The following CWH43 variants were observed in gnomAD, a reference collection of about 807,000 sequenced individuals.
CWH43 encodes PGAP2-interacting protein.
A neutral mutation model predicts 85.7 loss-of-function variants in CWH43; 91 were observed. The ratio of observed to expected loss-of-function variants is 1.06; its 90% CI spans 0.90 to 1.26. The LOEUF is 1.26. CWH43 is among the 50% of genes most tolerant of loss of function. The pLI, the probability that CWH43 is intolerant of heterozygous loss-of-function variation, is 0.00. For synonymous variants in CWH43, 323 were observed against 293.6 expected (o/e 1.10, Z -1.02); for missense variants, 869 against 839.2 (o/e 1.04, Z -0.44).
chr4:49,057,594 T>G (rs1357636896), intron 15 of CWH43, among the ~76,000 whole-genome samples: 1 of 152,214 alleles, frequency 6.6e-6, no homozygotes, highest in Non-Finnish European at 1.5e-5. Flanking sequence ...ACTCTGCGGC[T>G]GTTGGGTGAA....
intron 15 of CWH43, among the ~76,000 whole-genome samples, chr4:49,059,802 A>G (rs1391313451): frequency 4.6e-5 from 7 of 151,286 alleles, no homozygotes; most frequent in South Asian, 2.1e-4. Context: ...TAGGGACTGG[A>G]CTTGAAGTCT....
chr4:49,023,879 A>G (rs1331796582), intron 9 of CWH43, among the ~76,000 whole-genome samples: 2 of 152,098 alleles, frequency 1.3e-5, no homozygotes, highest in South Asian at 2.1e-4. Flanking sequence ...GTTCTAGGGT[A>G]TTGTTTAAGT....
intron 6 of CWH43, among the ~76,000 whole-genome samples, chr4:49,001,247 T>C (rs541528020): frequency 6.6e-6 from 1 of 152,304 alleles, no homozygotes; most frequent in African/African-American, 2.4e-5. Flanking sequence ...TAGGACCCCA[T>C]TGTACTATAG....
intron 14 of CWH43, among the ~76,000 whole-genome samples, chr4:49,048,872 G>C (rs1245270747): frequency 1.3e-5 from 2 of 152,172 alleles, no homozygotes; most frequent in Admixed American, 6.5e-5. Flanking sequence ...TAGGAACTAG[G>C]GTTTTTCAGT....
intron 15 of CWH43, among the ~76,000 whole-genome samples, chr4:49,055,653 G>T (rs748888749): frequency 6.6e-6 from 1 of 150,486 alleles, no homozygotes; most frequent in African/African-American, 2.5e-5. Flanking sequence ...GCAATGGCAC[G>T]ATCTCAGCTT....
chr4:49,040,444 G>T (rs930330439), intron 13 of CWH43, among the ~76,000 whole-genome samples: 1 of 152,144 alleles, frequency 6.6e-6, no homozygotes, highest in African/African-American at 2.4e-5. Flanking sequence ...CATTCTAACT[G>T]GTGTGAGATG....
At position 49,061,841 on chromosome 4, in the gene CWH43, A is replaced by C; in HGVS notation, c.2051A>C (p.Tyr684Ser). The change falls in exon 16 of 16, where the codon TAT becomes TCT. Residue 684 changes from tyrosine (Y) to serine (S), a missense_variant. Transcript: ENST00000226432. Reference sequence around the variant, plus strand: ...GGATCCTACAAAGAAGGACACAATTATGAAAACAACCATCATTTTCATATG... The same window carrying C: ...GGATCCTACAAAGAAGGACACAATTCTGAAAACAACCATCATTTTCATATG... ...RFGSYKEGHN[Y>S]ENNHHFHMNT... 7.1e-7 allele frequency: 1 copy of C among 1,398,842 alleles called. No homozygotes were observed. Among genetic ancestry groups the C allele is most frequent in the Non-Finnish European group, 9.5e-7 (1 of 1,052,230 alleles). 86.7% of individuals were successfully genotyped at this position (1,398,842 alleles called of 1,614,324 possible).
In CWH43 at chr4:49,030,889, A is replaced by T; in HGVS notation, c.1437A>T (p.Leu479Phe). ...ASKPYMGNND[L>F]TMWLGEKLGF... ...AGCCCTATATGGGGAACAATGACTT[A>T]ACCATGTGGCTAGGGGAAAAGTTGG... is the stretch of plus-strand genomic sequence containing the variant. Residue 479 changes from leucine to phenylalanine, a missense_variant, in exon 11 of 16, where the codon TTA becomes TTT. Physicochemically the swap from Leu to Phe is conservative, Grantham distance 22. Transcript: ENST00000226432. 5 of 1,611,406 alleles carry T rather than the reference A, an allele frequency of 3.1e-6. No individual in the cohort carries two copies. The highest frequency in any genetic ancestry group is 4.2e-6 in the Non-Finnish European group (5 of 1,178,948).
In CWH43 at chr4:48,991,879, G is replaced by T. The variant is rs185495918; in HGVS notation, c.357-57G>T. 263 of 1,402,694 alleles carry T rather than the reference G, an allele frequency of 1.9e-4. No homozygotes were observed. In the Middle Eastern group the frequency reaches 3.2e-3, roughly 17 times the overall value. 86.9% of individuals were successfully genotyped at this position (1,402,694 alleles called of 1,614,324 possible). ...ATTCTATGAAACTGAAATTCATGAT[G>T]GACATAGTACATTGAGTCCACATAA... On this transcript the variant is annotated intron_variant, in intron 3 of 15. Coordinates refer to ENST00000226432, the MANE Select transcript of CWH43 (RefSeq NM_025087.3).
At chr4:49,054,351 G>A (rs1323938701) in intron 15 of CWH43, among the ~76,000 whole-genome samples, 1 of 152,004 alleles carries the variant, frequency 6.6e-6, no homozygotes, top group East Asian at 1.9e-4. Flanking sequence ...TCTCTATTCT[G>A]TTCTATTGAT....
intron 6 of CWH43, among the ~76,000 whole-genome samples, chr4:48,998,840 A>C (rs1034500112): frequency 1.3e-5 from 2 of 152,186 alleles, no homozygotes; most frequent in African/African-American, 4.8e-5. Flanking sequence ...TAAACAAGGC[A>C]CATGTGTTAA....
chr4:49,024,696 G>A (rs1247359992), intron 9 of CWH43, among the ~76,000 whole-genome samples: 4 of 152,084 alleles, frequency 2.6e-5, no homozygotes, highest in African/African-American at 9.7e-5. Flanking sequence ...ATTCTAGCTT[G>A]TAGGGTTTTT....
At chr4:49,023,525 C>T (rs573784285) in intron 9 of CWH43, among the ~76,000 whole-genome samples, 3 of 152,294 alleles carry the variant, frequency 2.0e-5, no homozygotes, top group African/African-American at 7.2e-5. Context: ...CAGGCATGCA[C>T]CACCACATCC....
intron 14 of CWH43, among the ~76,000 whole-genome samples, chr4:49,047,566 C>T (rs753559872): frequency 6.6e-6 from 1 of 151,970 alleles, no homozygotes. Flanking sequence ...GCCATTTGGC[C>T]ACCTGGCAGA....
intron 14 of CWH43, among the ~76,000 whole-genome samples, chr4:49,048,859 A>G (rs1784711068): frequency 6.6e-6 from 1 of 152,158 alleles, no homozygotes; most frequent in African/African-American, 2.4e-5. Flanking sequence ...ACATTAATGA[A>G]GTTAGGAACT....
chr4:49,017,349 A>C (rs776259357), intron 9 of CWH43, 21 bp downstream of exon 9: 1 of 1,521,336 alleles, frequency 6.6e-7, no homozygotes, highest in Non-Finnish European at 9.1e-7. Context: ...AAAAACCTTG[A>C]AATAGAATTT....
Position 49,038,215 on chromosome 4 carries a change from A to T in CWH43, c.1803+35A>T, listed in dbSNP as rs980248276. The T allele has an allele frequency of 4.8e-6, 7 of 1,468,102 alleles. No individual in the cohort carries two copies. The African/African-American group carries it at 1.0e-4, about 21-fold the overall frequency. 90.9% of individuals were successfully genotyped at this position (1,468,102 alleles called of 1,614,324 possible). A position where few individuals can be genotyped will look rare whatever the true frequency, so the allele number is the denominator to read the frequency against. Reference sequence around the variant, plus strand: ...TCTTAATAGGATTTCTAATTTATTAAGTAAAACATTTCTTTTTCTTTCATG... The same window carrying T: ...TCTTAATAGGATTTCTAATTTATTATGTAAAACATTTCTTTTTCTTTCATG... On this transcript the variant is annotated intron_variant, in intron 13 of 15. Coordinates refer to ENST00000226432, the MANE Select transcript of CWH43 (RefSeq NM_025087.3).
intron 9 of CWH43, among the ~76,000 whole-genome samples, chr4:49,026,491 T>G (rs1043615295): frequency 1.3e-5 from 2 of 152,214 alleles, no homozygotes; most frequent in African/African-American, 4.8e-5. Context: ...GCCTCCTATT[T>G]GTCATTTTCC....
chr4:49,048,560 T>G (rs955328879), intron 14 of CWH43, among the ~76,000 whole-genome samples: 3 of 152,100 alleles, frequency 2.0e-5, no homozygotes, highest in African/African-American at 7.2e-5. Flanking sequence ...GCAGGGTTGG[T>G]GTCTGGTTAG....
Sources: gnomAD v4.1 joint callset for allele counts (sites outside exome capture counted in the v4.1 genomes callset) on GRCh38, gnomAD v4.1.1 for gene constraint, MANE v1.5 for transcripts, NCBI Gene and HGNC (gene_info 2026-07-23, HGNC 2026-07-21) for gene names.